The following NUP160 variants were observed in gnomAD, a reference collection of about 807,000 sequenced individuals.
NUP160 encodes nucleoporin 160, also known as nuclear pore complex protein Nup160.
NUP160 carries 94 observed loss-of-function variants against 196.9 expected under a neutral mutation model. The ratio of observed to expected loss-of-function variants is 0.48; its 90% CI spans 0.40 to 0.57. The LOEUF (loss-of-function observed/expected upper bound fraction) is 0.57, where lower values mean the gene tolerates loss of function less well. Ranked by LOEUF, NUP160 falls within the 20% of genes least tolerant of loss-of-function variation. The probability of loss-of-function intolerance (pLI) is 0.00; values close to 1 mark genes in which losing one functional copy is unlikely to be tolerated. For missense variants in NUP160, 1,638 were observed against 1,748.3 expected, an observed-to-expected ratio of 0.94 and a Z score of 1.13; for synonymous variants, 605 against 619.7, an observed-to-expected ratio of 0.98 and a Z score of 0.35.
chr11:47,789,051 A>G (rs1408173322), intron 29 of NUP160, among the ~76,000 whole-genome samples: 1 of 151,762 alleles, frequency 6.6e-6, no homozygotes, highest in Non-Finnish European at 1.5e-5. Flanking sequence ...TAATTTTTGT[A>G]TTTTTAGTAG....
At chr11:47,788,876 C>CTT (rs576717550) in intron 29 of NUP160, among the ~76,000 whole-genome samples, 7 of 141,074 alleles carry the variant, frequency 5.0e-5, no homozygotes, top group South Asian at 2.3e-4. Context: ...ACTCTTTAAA[C>CTT]TTTTTTTTTT....
In NUP160 at chr11:47,815,499, T is replaced by C. The variant is rs749105690; in HGVS notation, c.1666A>G (p.Met556Val). 11 of 1,605,714 alleles carry C rather than the reference T, an allele frequency of 6.9e-6. No individual in the cohort carries two copies. In the African/African-American group the frequency reaches 1.5e-4, roughly 22 times the overall value. Reference sequence around the variant, plus strand: ...CTTACTTTTTTCAGCAGGCACACCATGTTTGTGTGTGGATTCAAATGTAGG... The same window carrying C: ...CTTACTTTTTTCAGCAGGCACACCACGTTTGTGTGTGGATTCAAATGTAGG... The change falls in exon 13 of 36, where the codon ATG (methionine) becomes GTG (valine). Residue 556 changes from methionine to valine, a missense_variant. This residue lies in a region of NUP160 where 1,345 missense variants were observed against 1,470.2 expected (regional missense o/e 0.91). Transcript: ENST00000378460.
At chr11:47,811,288 C>T (rs2097680944) in intron 17 of NUP160, among the ~76,000 whole-genome samples, 1 of 152,052 alleles carries the variant, frequency 6.6e-6, no homozygotes, top group South Asian at 2.1e-4. Flanking sequence ...GTAGGTGGAT[C>T]ACCTGATGTC....
At chr11:47,839,732 C>A (rs941721337) in intron 4 of NUP160, 111 bp downstream of exon 4, 2 of 872,660 alleles carry the variant, frequency 2.3e-6, no homozygotes, top group East Asian at 4.8e-5. Context: ...AATGAATGAC[C>A]AGTTCCGGGG....
intron 34 of NUP160, among the ~76,000 whole-genome samples, chr11:47,782,198 C>G (rs1423078402): frequency 2.7e-5 from 4 of 149,964 alleles, no homozygotes; most frequent in Non-Finnish European, 5.9e-5. Flanking sequence ...GCAGGAGAAT[C>G]ACTTGAACCC....
chr11:47,834,561 A>G (rs1424769650), intron 7 of NUP160, among the ~76,000 whole-genome samples: 1 of 152,182 alleles, frequency 6.6e-6, no homozygotes, highest in East Asian at 1.9e-4. Context: ...TGAGCAATCC[A>G]ATCTAAAAAC....
chr11:47,808,905 G>C (rs1029133671), intron 17 of NUP160, among the ~76,000 whole-genome samples: 2 of 151,864 alleles, frequency 1.3e-5, no homozygotes, highest in African/African-American at 4.8e-5. Context: ...TTCGAGACCA[G>C]ACTGGACAAC....
At chr11:47,806,434 A>AT (rs1345314814) in intron 19 of NUP160, 122 bp from the exon 20 acceptor site, 11 of 706,392 alleles carry the variant, frequency 1.6e-5, no homozygotes, top group Admixed American at 2.8e-5. Context: ...CAGAAAATGT[A>AT]TCACGGGTAT....
At chr11:47,795,565 C>T (rs2097670406) in intron 27 of NUP160, among the ~76,000 whole-genome samples, 1 of 152,012 alleles carries the variant, frequency 6.6e-6, no homozygotes, top group Admixed American at 6.6e-5. Flanking sequence ...AAAAATGGTA[C>T]AAAAATGTTA....
intron 10 of NUP160, among the ~76,000 whole-genome samples, chr11:47,819,171 G>C (rs547028570): frequency 6.6e-6 from 1 of 152,078 alleles, no homozygotes; most frequent in Admixed American, 6.6e-5. Context: ...AAATTAGCTG[G>C]GTGTGGTGGT....
intron 29 of NUP160, among the ~76,000 whole-genome samples, chr11:47,789,249 C>G (rs2097666544): frequency 1.3e-5 from 2 of 152,172 alleles, no homozygotes; most frequent in African/African-American, 2.4e-5. Context: ...TCAAATGACC[C>G]TCCTGCCTTG....
chr11:47,831,775 A>T, intron 7 of NUP160, among the ~76,000 whole-genome samples: 1 of 133,438 alleles, frequency 7.5e-6, no homozygotes. Context: ...CCTGGGAGGC[A>T]GAGGTTGCAG....
At chr11:47,828,951 T>C (rs899714895) in intron 7 of NUP160, among the ~76,000 whole-genome samples, 5 of 151,710 alleles carry the variant, frequency 3.3e-5, no homozygotes, top group Non-Finnish European at 7.4e-5. Context: ...ACTAAAAAAA[T>C]GAATCAAAGT....
intron 22 of NUP160, among the ~76,000 whole-genome samples, chr11:47,802,992 A>G (rs954962640): frequency 6.6e-6 from 1 of 151,994 alleles, no homozygotes; most frequent in African/African-American, 2.4e-5. Context: ...TCTAAAAGAA[A>G]TAATAAAATA....
intron 2 of NUP160, among the ~76,000 whole-genome samples, chr11:47,840,849 CAA>C (rs2135403386): frequency 6.6e-6 from 1 of 152,262 alleles, no homozygotes; most frequent in South Asian, 2.1e-4. Flanking sequence ...ATATTTTATG[CAA>C]TTAACTCTAC....
intron 29 of NUP160, among the ~76,000 whole-genome samples, chr11:47,789,133 T>C (rs1449490477): frequency 6.6e-6 from 1 of 152,140 alleles, no homozygotes; most frequent in Non-Finnish European, 1.5e-5. Context: ...CACCTCAGCC[T>C]CCCAACGTGC....
chr11:47,785,027 G>GT lies in NUP160; in HGVS notation c.3884dup (p.Tyr1295Ter). 6.3e-7 allele frequency: 1 copy of GT among 1,597,788 alleles called. No individual in the cohort carries two copies. The highest frequency in any genetic ancestry group is 8.5e-7 in the Non-Finnish European group (1 of 1,170,590). ...TATTCTGGACTTTGTACCTCTCCAG[G>GT]TAAGTGGATAATAGTCGCCATGCTT... Residue 1295 changes from tyrosine (Y) to a stop codon, truncating the protein, a stop_gained and frameshift_variant, in exon 33 of 36, where the codon TAC (tyrosine) becomes TAAC (stop). Transcript: ENST00000378460. LOFTEE classifies it high-confidence loss of function.
At chr11:47,788,214 G>C in exon 31 of NUP160, 1 of 1,613,938 alleles carries the variant, frequency 6.2e-7, no homozygotes, top group East Asian at 2.2e-5. Flanking sequence ...CTGGCGTTAA[G>C]GGAAGCTTAA....
chr11:47,791,808 A>G (rs991936945), intron 29 of NUP160, 122 bp downstream of exon 29: 3 of 680,296 alleles, frequency 4.4e-6, no homozygotes, highest in Non-Finnish European at 7.4e-6. Flanking sequence ...TGTTACTACT[A>G]TAACATTTAT....
Sources: gnomAD v4.1 joint callset for allele counts (sites outside exome capture counted in the v4.1 genomes callset) on GRCh38, gnomAD v4.1.1 for gene constraint, gnomAD v4.1.1 regional missense constraint, MANE v1.5 for transcripts, NCBI Gene and HGNC (gene_info 2026-07-23, HGNC 2026-07-21) for gene names.